SYNPR: variants seen among roughly 807,000 people sequenced by gnomAD.
SYNPR encodes synaptoporin.
Under a neutral mutation model 32.9 loss-of-function variants are expected in SYNPR, and 23 were observed. The ratio of observed to expected loss-of-function variants is 0.70; its 90% confidence interval spans 0.50 to 0.99. The LOEUF (loss-of-function observed/expected upper bound fraction) is 0.99. SYNPR is among the 50% of genes least tolerant of loss of function. SYNPR has a pLI of 0.00. For synonymous variants in SYNPR, 146 were observed against 135.9 expected (o/e 1.07, Z -0.52); for missense variants, 318 against 349.3 (o/e 0.91, Z 0.71).
rs542324323 is a variant in SYNPR, at chr3:63,232,910, T to C, written n.66+4530T>C. On this transcript the variant is annotated intron_variant and non_coding_transcript_variant, in intron 1 of 4. Transcript: ENST00000478456. ...TACTTCCATGTTTTAAAAAATCGTATTAAAAATGTTTTAAACTGTGATTCT... is the reference window on the plus strand; with the variant it reads ...TACTTCCATGTTTTAAAAAATCGTACTAAAAATGTTTTAAACTGTGATTCT... 5.3e-5 allele frequency among the ~76,000 whole-genome samples: 8 copies of C among 152,354 alleles called. No homozygotes were observed. The South Asian group carries it at 1.7e-3, about 32-fold the overall frequency.
In SYNPR at chr3:63,332,860, C is replaced by T. The variant is rs373038591; in HGVS notation, c.84+54118C>T. ...GGTTAATCAATGTTGGCACAGTTGA[C>T]ATTTTGGGCTGCCTGGTCCCTTGGT... On this transcript the variant is annotated intron_variant, in intron 2 of 5. Coordinates refer to ENST00000478300, the MANE Select transcript of SYNPR (RefSeq NM_001130003.2). 3.6e-4 allele frequency among the ~76,000 whole-genome samples: 55 copies of T among 152,232 alleles called. No homozygotes were observed. In the East Asian group the frequency reaches 8.7e-3, roughly 24 times the overall value.
intron 2 of SYNPR, among the ~76,000 whole-genome samples, chr3:63,394,973 T>C (rs2107090684): frequency 6.6e-6 from 1 of 152,266 alleles, no homozygotes; most frequent in Non-Finnish European, 1.5e-5. Flanking sequence ...AAAATAGACT[T>C]ATTATGCATC....
intron 2 of SYNPR, among the ~76,000 whole-genome samples, chr3:63,365,716 C>A (rs1226235320): frequency 6.6e-6 from 1 of 152,110 alleles, no homozygotes; most frequent in East Asian, 1.9e-4. Flanking sequence ...GCAGAAAGGA[C>A]CCGTATTTAT....
intron 2 of SYNPR, among the ~76,000 whole-genome samples, chr3:63,296,303 T>C (rs2086791209): frequency 6.6e-6 from 1 of 152,162 alleles, no homozygotes; most frequent in Admixed American, 6.5e-5. Flanking sequence ...TCAAACATTG[T>C]GAGGTCCATC....
At chr3:63,376,471 G>T (rs2087896679) in intron 2 of SYNPR, among the ~76,000 whole-genome samples, 1 of 151,970 alleles carries the variant, frequency 6.6e-6, no homozygotes, top group Non-Finnish European at 1.5e-5. Context: ...CTCACTATAG[G>T]CTTCTCTCTA....
chr3:63,276,143 G>A (rs552870737), upstream of SYNPR, among the ~76,000 whole-genome samples: 5 of 152,250 alleles, frequency 3.3e-5, no homozygotes, highest in South Asian at 8.3e-4. Flanking sequence ...TATATTCATC[G>A]TGGTAGAAGG....
At chr3:63,464,959 T>A (rs1700650566) in intron 2 of SYNPR, among the ~76,000 whole-genome samples, 1 of 152,176 alleles carries the variant, frequency 6.6e-6, no homozygotes, top group African/African-American at 2.4e-5. Context: ...GTGCTGGAGT[T>A]GATGGGATAC....
chr3:63,443,819 C>A (rs1700223374), intron 2 of SYNPR, among the ~76,000 whole-genome samples: 1 of 152,172 alleles, frequency 6.6e-6, no homozygotes, highest in Non-Finnish European at 1.5e-5. Context: ...TAAATACATT[C>A]ATTGTGCTGC....
At chr3:63,311,030 C>A (rs1560187687) in intron 2 of SYNPR, among the ~76,000 whole-genome samples, 1 of 151,564 alleles carries the variant, frequency 6.6e-6, no homozygotes, top group African/African-American at 2.4e-5. Context: ...CCACATTTTT[C>A]AAAAAATCAG....
intron 3 of SYNPR, among the ~76,000 whole-genome samples, chr3:63,549,151 T>G (rs1702459978): frequency 6.6e-6 from 1 of 152,210 alleles, no homozygotes; most frequent in Non-Finnish European, 1.5e-5. Context: ...AGCAAGTTTT[T>G]AATGGCTTTC....
At chr3:63,491,507 T>C (rs1230566590) in intron 3 of SYNPR, among the ~76,000 whole-genome samples, 1 of 152,054 alleles carries the variant, frequency 6.6e-6, no homozygotes, top group Non-Finnish European at 1.5e-5. Flanking sequence ...CTTTTAAAGG[T>C]TTATGTGTAT....
At chr3:63,516,202 G>A (rs1406479856) in intron 3 of SYNPR, among the ~76,000 whole-genome samples, 1 of 152,058 alleles carries the variant, frequency 6.6e-6, no homozygotes, top group Non-Finnish European at 1.5e-5. Flanking sequence ...CTATCCTGCT[G>A]CCCATCATGG....
the SYNPR span, among the ~76,000 whole-genome samples, chr3:63,202,578 T>A: frequency 6.6e-6 from 1 of 151,994 alleles, no homozygotes; most frequent in Non-Finnish European, 1.5e-5. Flanking sequence ...CAAAAGTGGG[T>A]TGAGGATATG....
intron 4 of SYNPR, 150 bp downstream of exon 4, chr3:63,556,891 C>A: frequency 1.3e-6 from 1 of 792,008 alleles, no homozygotes; most frequent in Non-Finnish European, 1.9e-6. Context: ...GAAGCCACAA[C>A]AAAAACTGAT....
intron 2 of SYNPR, among the ~76,000 whole-genome samples, chr3:63,352,812 T>C (rs1344924867): frequency 1.3e-5 from 2 of 152,038 alleles, no homozygotes; most frequent in Non-Finnish European, 2.9e-5. Context: ...CAAGAAAGCA[T>C]GTGTAGGGGA....
intron 2 of SYNPR, among the ~76,000 whole-genome samples, chr3:63,368,714 C>G (rs1225865522): frequency 6.6e-6 from 1 of 152,082 alleles, no homozygotes; most frequent in African/African-American, 2.4e-5. Context: ...TGCAGTGCTA[C>G]AGACTGAACC....
At chr3:63,336,519 C>CAAAAAAAAAAAAAAAAAAAAAA (rs3082131) in intron 2 of SYNPR, among the ~76,000 whole-genome samples, 1 of 48,816 alleles carries the variant, frequency 2.0e-5, no homozygotes, top group Non-Finnish European at 3.9e-5. Context: ...CATTCCCATG[C>CAAAAAAAAAAAAAAAAAAAAAA]AAAAAAAAAA....
intron 2 of SYNPR, among the ~76,000 whole-genome samples, chr3:63,375,605 G>C (rs6791917): frequency 0.34 from 51,939 of 151,890 alleles, 9,140 homozygotes; most frequent in Middle Eastern, 0.47. Flanking sequence ...AGCATTAGGA[G>C]AAATACCTAA....
chr3:63,350,069 T>A (rs2087485196), intron 2 of SYNPR, among the ~76,000 whole-genome samples: 1 of 152,260 alleles, frequency 6.6e-6, no homozygotes, highest in East Asian at 1.9e-4. Context: ...AGCTAACATA[T>A]CATGATCTTA....
Sources: gnomAD v4.1 joint callset for allele counts (sites outside exome capture counted in the v4.1 genomes callset) on GRCh38, gnomAD v4.1.1 for gene constraint, MANE v1.5 for transcripts, NCBI Gene and HGNC (gene_info 2026-07-23, HGNC 2026-07-21) for gene names.